The following PCDH7 variants were observed in gnomAD, a reference collection of about 807,000 sequenced individuals.
PCDH7 encodes protocadherin 7.
Under a neutral mutation model 58.9 loss-of-function variants are expected in PCDH7, and 17 were observed. The observed-to-expected ratio is 0.29, with a 90% confidence interval of 0.20 to 0.43. The LOEUF is 0.43. Ranked by LOEUF, PCDH7 falls within the 20% of genes least tolerant of loss-of-function variation. The pLI is 1.00. For synonymous variants in PCDH7, 664 were observed against 616.4 expected (o/e 1.08, Z -1.14); for missense variants, 1,274 against 1,441.0 (o/e 0.88, Z 1.88).
At chr4:31,059,352 C>A (rs1052154789) in intron 3 of PCDH7, among the ~76,000 whole-genome samples, 1 of 151,868 alleles carries the variant, frequency 6.6e-6, no homozygotes, top group African/African-American at 2.4e-5. Context: ...AATAACACTT[C>A]TGGCAACAAT....
At chr4:30,973,550 A>G (rs1749787546) in intron 3 of PCDH7, among the ~76,000 whole-genome samples, 1 of 152,212 alleles carries the variant, frequency 6.6e-6, no homozygotes, top group Non-Finnish European at 1.5e-5. Context: ...AGGGGACAAA[A>G]GCCAAGCATT....
At chr4:31,056,518 G>GAAAGA (rs1560608945) in intron 3 of PCDH7, among the ~76,000 whole-genome samples, 159 of 74,902 alleles carry the variant, frequency 2.1e-3, no homozygotes, top group South Asian at 4.1e-3. Flanking sequence ...AGAAAGAAAG[G>GAAAGA]GGAAGGGAAG....
At chr4:31,100,146 T>G (rs902510171) in intron 3 of PCDH7, among the ~76,000 whole-genome samples, 2 of 152,156 alleles carry the variant, frequency 1.3e-5, no homozygotes, top group Non-Finnish European at 2.9e-5. Context: ...TAGCTCCAAT[T>G]TCTTTAGCTC....
chr4:30,842,764 A>G (rs1305762315), intron 1 of PCDH7, among the ~76,000 whole-genome samples: 1 of 152,164 alleles, frequency 6.6e-6, no homozygotes, highest in Non-Finnish European at 1.5e-5. Flanking sequence ...CTACAAGATA[A>G]GATTTACGGT....
chr4:31,050,370 T>A (rs553809114), intron 3 of PCDH7, among the ~76,000 whole-genome samples: 1 of 152,298 alleles, frequency 6.6e-6, no homozygotes, highest in African/African-American at 2.4e-5. Context: ...TGGGGGCAAG[T>A]CTGGAAAATA....
At chr4:30,748,983 T>G (rs958506934) in intron 1 of PCDH7, among the ~76,000 whole-genome samples, 35 of 152,174 alleles carry the variant, frequency 2.3e-4, no homozygotes, top group African/African-American at 8.4e-4. Flanking sequence ...TCATATGACC[T>G]TTTTTCTTGC....
At chr4:31,025,821 T>C (rs538437184) in intron 3 of PCDH7, among the ~76,000 whole-genome samples, 2 of 152,320 alleles carry the variant, frequency 1.3e-5, no homozygotes, top group South Asian at 2.1e-4. Context: ...TTACAGAATA[T>C]ATTTTATGGC....
chr4:30,730,602 T>C, intron 1 of PCDH7: 2 of 521,552 alleles, frequency 3.8e-6, no homozygotes, highest in South Asian at 2.5e-5. Flanking sequence ...CCCCCAAGTG[T>C]ATTTATTATT....
intron 1 of PCDH7, among the ~76,000 whole-genome samples, chr4:30,897,516 G>T (rs185052474): frequency 3.3e-5 from 5 of 152,068 alleles, no homozygotes; most frequent in Admixed American, 3.3e-4. Flanking sequence ...TAAAATAAGG[G>T]ATTAATATCT....
chr4:30,959,689 T>C (rs1244177430), intron 3 of PCDH7, among the ~76,000 whole-genome samples: 1 of 152,164 alleles, frequency 6.6e-6, no homozygotes, highest in African/African-American at 2.4e-5. Flanking sequence ...CCATGACATC[T>C]AAGGATTTAG....
rs750545292 is a variant in PCDH7 at position 30,894,463 on chromosome 4, G to GA, written c.71-25662dup. Among the ~76,000 whole-genome samples the GA allele has an allele frequency of 5.4e-3, 70 of 13,036 alleles. 12 individuals carry two copies. Among genetic ancestry groups the GA allele is most frequent in the East Asian group, 0.013 (2 of 156 alleles). 8.6% of individuals were successfully genotyped at this position (13,036 alleles called of 152,430 possible). A position where few individuals can be genotyped will look rare whatever the true frequency, so the allele number is the denominator to read the frequency against. The stretch of plus-strand genomic sequence containing the variant: ...TGGTCTGGAGACCAGTTTCATTCAG[G>GA]AAAAAAAAAAAAAAAAAAAAAAAAA... On this transcript the variant is annotated intron_variant, in intron 1 of 3. Transcript: ENST00000509759.
intron 3 of PCDH7, among the ~76,000 whole-genome samples, chr4:30,952,007 C>T (rs1430940552): frequency 6.6e-6 from 1 of 152,160 alleles, no homozygotes; most frequent in African/African-American, 2.4e-5. Context: ...TTCTCCTGAA[C>T]ATGGGCCCTT....
At chr4:31,031,780 G>A (rs1754940881) in intron 3 of PCDH7, among the ~76,000 whole-genome samples, 1 of 152,158 alleles carries the variant, frequency 6.6e-6, no homozygotes, top group Non-Finnish European at 1.5e-5. Flanking sequence ...CTCTTTAGAA[G>A]AATATTCCTA....
At chr4:31,076,753 A>G (rs1032576774) in intron 3 of PCDH7, among the ~76,000 whole-genome samples, 1 of 152,212 alleles carries the variant, frequency 6.6e-6, no homozygotes, top group African/African-American at 2.4e-5. Context: ...ATGCAACATT[A>G]TTACACAGGT....
At chr4:30,905,345 T>C (rs1031800872) in intron 1 of PCDH7, among the ~76,000 whole-genome samples, 1 of 152,120 alleles carries the variant, frequency 6.6e-6, no homozygotes, top group South Asian at 2.1e-4. Flanking sequence ...TAATTTACCA[T>C]GTAGGTTTAT....
intron 3 of PCDH7, among the ~76,000 whole-genome samples, chr4:30,967,967 G>T (rs998473460): frequency 6.6e-6 from 1 of 152,008 alleles, no homozygotes; most frequent in Admixed American, 6.6e-5. Context: ...AAGAGACTAA[G>T]CCTTGTGAGT....
chr4:31,023,312 T>C (rs1403864365), intron 3 of PCDH7, among the ~76,000 whole-genome samples: 4 of 152,170 alleles, frequency 2.6e-5, no homozygotes, highest in Non-Finnish European at 5.9e-5. Flanking sequence ...AAATAGACTA[T>C]GACACTCAGA....
exon 1 of PCDH7, chr4:30,724,111 A>G: frequency 6.2e-7 from 1 of 1,614,066 alleles, no homozygotes; most frequent in Non-Finnish European, 8.5e-7. Flanking sequence ...AATCATCTTA[A>G]TTGTAGTGAT....
chr4:30,894,560 TATATACATATACACACAC>T (rs1739140332), intron 1 of PCDH7, among the ~76,000 whole-genome samples: 1 of 96,052 alleles, frequency 1.0e-5, no homozygotes, highest in African/African-American at 4.0e-5. Flanking sequence ...CACACACACA[TATATACATATACACACAC>T]ATATATACAC....
Sources: gnomAD v4.1 joint callset for allele counts (sites outside exome capture counted in the v4.1 genomes callset) on GRCh38, gnomAD v4.1.1 for gene constraint, MANE v1.5 for transcripts, NCBI Gene and HGNC (gene_info 2026-07-23, HGNC 2026-07-21) for gene names.